The following GPR158 variants were observed in gnomAD, a reference collection of about 807,000 sequenced individuals.
GPR158 encodes the protein metabotropic glycine receptor.
Under a neutral mutation model 78.2 loss-of-function variants are expected in GPR158, and 30 were observed. The observed-to-expected ratio is 0.38, with a 90% CI of 0.29 to 0.52. The LOEUF (loss-of-function observed/expected upper bound fraction) is 0.52, where lower values mean the gene tolerates loss of function less well. GPR158 is among the 20% of genes least tolerant of loss of function. The probability of loss-of-function intolerance (pLI) is 0.83; values close to 1 mark genes in which losing one functional copy is unlikely to be tolerated. For synonymous variants in GPR158, 581 were observed against 591.1 expected, an observed-to-expected ratio of 0.98 and a Z score of 0.25; for missense variants, 1,463 against 1,523.5, an observed-to-expected ratio of 0.96 and a Z score of 0.66.
intron 5 of GPR158, among the ~76,000 whole-genome samples, chr10:25,548,596 A>G (rs1836693721): frequency 6.6e-6 from 1 of 152,112 alleles, no homozygotes; most frequent in African/African-American, 2.4e-5. Context: ...TGGCAACGCA[A>G]TATTAAATAA....
chr10:25,513,781 G>A (rs151137704), intron 5 of GPR158, among the ~76,000 whole-genome samples: 6,605 of 152,140 alleles, frequency 0.043, 288 homozygotes, highest in African/African-American at 0.11. Flanking sequence ...TTGACCCAAT[G>A]ATCATTCAGT....
chr10:25,363,356 A>T (rs919561720), intron 2 of GPR158, among the ~76,000 whole-genome samples: 5 of 151,858 alleles, frequency 3.3e-5, no homozygotes, highest in Admixed American at 2.6e-4. Context: ...TTAATATTTA[A>T]TTCATATGAC....
At chr10:25,563,190 G>A (rs763896078) in intron 6 of GPR158, among the ~76,000 whole-genome samples, 2 of 151,658 alleles carry the variant, frequency 1.3e-5, no homozygotes, top group Non-Finnish European at 2.9e-5. Flanking sequence ...ACATATAGTT[G>A]GATCATCTTT....
At chr10:25,525,343 A>T (rs1312940117) in intron 5 of GPR158, among the ~76,000 whole-genome samples, 1 of 152,242 alleles carries the variant, frequency 6.6e-6, no homozygotes, top group Non-Finnish European at 1.5e-5. Flanking sequence ...TCGTAGCTAC[A>T]TAATTCATAA....
chr10:25,468,325 C>T (rs142606933), intron 5 of GPR158, among the ~76,000 whole-genome samples: 3 of 152,230 alleles, frequency 2.0e-5, no homozygotes, highest in South Asian at 2.1e-4. Flanking sequence ...CCTACTCTAA[C>T]GCAAATTCTT....
chr10:25,186,979 T>G (rs1269993815), intron 1 of GPR158, among the ~76,000 whole-genome samples: 1 of 148,104 alleles, frequency 6.8e-6, no homozygotes, highest in East Asian at 2.0e-4. Flanking sequence ...TTTTTTTTTT[T>G]TTTGAGGTGG....
chr10:25,536,055 T>C (rs1195188832), intron 5 of GPR158, among the ~76,000 whole-genome samples: 1 of 152,182 alleles, frequency 6.6e-6, no homozygotes, highest in African/African-American at 2.4e-5. Flanking sequence ...TTCTCATTGG[T>C]GGTAAAGCCT....
chr10:25,591,718 A>G (rs757227775), intron 8 of GPR158, among the ~76,000 whole-genome samples: 3 of 152,138 alleles, frequency 2.0e-5, no homozygotes, highest in Non-Finnish European at 2.9e-5. Context: ...AAGAAGCCCT[A>G]TGTTTTAAAT....
At chr10:25,373,762 C>A (rs993071147) in intron 2 of GPR158, among the ~76,000 whole-genome samples, 1 of 151,698 alleles carries the variant, frequency 6.6e-6, no homozygotes, top group Non-Finnish European at 1.5e-5. Context: ...TGACTTATTT[C>A]TGTATGACTT....
At chr10:25,334,922 G>T (rs1207855574) in intron 2 of GPR158, among the ~76,000 whole-genome samples, 7 of 152,012 alleles carry the variant, frequency 4.6e-5, no homozygotes, top group African/African-American at 1.2e-4. Context: ...ATATGCAGGT[G>T]AGGGAATGGA....
At chr10:25,410,564 C>T (rs775968926) in intron 3 of GPR158, among the ~76,000 whole-genome samples, 8 of 151,952 alleles carry the variant, frequency 5.3e-5, no homozygotes, top group African/African-American at 9.7e-5. Context: ...TGCAGTGAGC[C>T]GAGATGATGC....
chr10:25,235,854 G>A (rs1033747618), intron 2 of GPR158, among the ~76,000 whole-genome samples: 3 of 151,796 alleles, frequency 2.0e-5, no homozygotes, highest in Admixed American at 6.6e-5. Context: ...CTGCCACCAT[G>A]CCCGGCTAAT....
chr10:25,353,115 G>A lies in GPR158; in HGVS notation c.1009-42796G>A, dbSNP rs188531906. 5.3e-3 allele frequency among the ~76,000 whole-genome samples: 805 copies of A among 152,054 alleles called. 3 individuals are homozygous for A. The highest frequency in any genetic ancestry group is 0.014 in the Middle Eastern group (4 of 294). ...TAAACCTTATTAAAATTCTGCAAGG[G>A]CAGTAATGACTTTAACTATCTACAA... On this transcript the variant is annotated intron_variant, in intron 2 of 10. Coordinates refer to ENST00000376351, the MANE Select transcript of GPR158 (RefSeq NM_020752.3).
chr10:25,331,921 G>A (rs1294428640), intron 2 of GPR158, among the ~76,000 whole-genome samples: 1 of 152,092 alleles, frequency 6.6e-6, no homozygotes, highest in Non-Finnish European at 1.5e-5. Flanking sequence ...ATTACTATTT[G>A]CTCTATTGGT....
At chr10:25,206,876 CT>C (rs529646183) in intron 1 of GPR158, among the ~76,000 whole-genome samples, 377 of 150,188 alleles carry the variant, frequency 2.5e-3, no homozygotes, top group Non-Finnish European at 4.2e-3. Context: ...CAAGCTTATT[CT>C]TGACTATTTT....
At chr10:25,342,813 C>G (rs1855320944) in intron 2 of GPR158, among the ~76,000 whole-genome samples, 1 of 148,872 alleles carries the variant, frequency 6.7e-6, no homozygotes, top group South Asian at 2.1e-4. Context: ...AATTCTCTGT[C>G]CCAGGCTCAT....
intron 2 of GPR158, among the ~76,000 whole-genome samples, chr10:25,389,246 A>G (rs1834261279): frequency 6.6e-6 from 1 of 152,150 alleles, no homozygotes; most frequent in South Asian, 2.1e-4. Context: ...GCTGAGGCCC[A>G]TAAAAGCCCT....
At chr10:25,541,725 CA>C (rs1836587531) in intron 5 of GPR158, among the ~76,000 whole-genome samples, 1 of 151,752 alleles carries the variant, frequency 6.6e-6, no homozygotes, top group Admixed American at 6.6e-5. Flanking sequence ...CCTCCTACTT[CA>C]AACAAAGCAA....
At chr10:25,203,893 A>T (rs1438008293) in intron 1 of GPR158, among the ~76,000 whole-genome samples, 1 of 144,776 alleles carries the variant, frequency 6.9e-6, no homozygotes, top group South Asian at 2.3e-4. Context: ...ATCCATGAGC[A>T]TGGAATGTTC....
Sources: allele counts gnomAD v4.1 joint callset (sites outside exome capture counted in the v4.1 genomes callset), GRCh38; gene constraint gnomAD v4.1.1; transcripts MANE v1.5; gene names NCBI Gene and HGNC (gene_info 2026-07-23, HGNC 2026-07-21).